Variants in GALNTL6 observed in about 807,000 individuals in gnomAD.
The protein encoded by GALNTL6 is polypeptide N-acetylgalactosaminyltransferase-like 6.
GALNTL6 carries 46 observed loss-of-function variants against 73.7 expected under a neutral mutation model. That is an observed-to-expected ratio of 0.62 (90% confidence interval 0.49 to 0.80). The LOEUF is 0.80. GALNTL6 is among the 30% of genes least tolerant of loss of function. The pLI, the probability that GALNTL6 is intolerant of heterozygous loss-of-function variation, is 0.00. For synonymous variants in GALNTL6, 259 were observed against 263.7 expected (o/e 0.98, Z 0.17); for missense variants, 604 against 755.0 (o/e 0.80, Z 2.34).
chr4:172,247,212 A>G (rs914684142), intron 3 of GALNTL6, among the ~76,000 whole-genome samples: 4 of 152,144 alleles, frequency 2.6e-5, no homozygotes, highest in Non-Finnish European at 4.4e-5. Flanking sequence ...TGGCTGCTGC[A>G]CTGACAATTG....
chr4:172,749,966 C>T (rs952839851), intron 5 of GALNTL6, among the ~76,000 whole-genome samples: 10 of 152,044 alleles, frequency 6.6e-5, no homozygotes, highest in East Asian at 1.9e-4. Context: ...TCAGAAGAAA[C>T]GCTTCTAGTT....
intron 4 of GALNTL6, among the ~76,000 whole-genome samples, chr4:172,333,356 G>T (rs1246437016): frequency 2.0e-5 from 3 of 152,128 alleles, no homozygotes; most frequent in African/African-American, 7.2e-5. Flanking sequence ...AGTGAGCCGA[G>T]ATCGTGCAAT....
chr4:171,969,649 C>T (rs1334297599), intron 2 of GALNTL6, among the ~76,000 whole-genome samples: 1 of 152,224 alleles, frequency 6.6e-6, no homozygotes, highest in Admixed American at 6.5e-5. Flanking sequence ...TCAAGAAATG[C>T]CCTTAAAAAC....
intron 2 of GALNTL6, among the ~76,000 whole-genome samples, chr4:172,013,081 C>G (rs1056579328): frequency 6.6e-6 from 1 of 152,018 alleles, no homozygotes; most frequent in Non-Finnish European, 1.5e-5. Context: ...TTATGGGATG[C>G]TGAGTGATAT....
At chr4:172,023,728 AT>A in intron 2 of GALNTL6, among the ~76,000 whole-genome samples, 1 of 152,008 alleles carries the variant, frequency 6.6e-6, no homozygotes, top group East Asian at 1.9e-4. Context: ...ACAAAAATAT[AT>A]TTTTAAATAT....
intron 2 of GALNTL6, among the ~76,000 whole-genome samples, chr4:172,197,857 C>T (rs1735822031): frequency 6.6e-6 from 1 of 152,144 alleles, no homozygotes; most frequent in Admixed American, 6.5e-5. Context: ...CACCTGTAAT[C>T]CCAGCACTTT....
intron 5 of GALNTL6, among the ~76,000 whole-genome samples, chr4:172,469,683 T>C (rs1732972455): frequency 6.6e-6 from 1 of 152,206 alleles, no homozygotes; most frequent in Non-Finnish European, 1.5e-5. Context: ...TGTGCTCTTA[T>C]TTAATATTAT....
At chr4:172,837,751 T>G (rs1742989568) in intron 7 of GALNTL6, among the ~76,000 whole-genome samples, 2 of 152,298 alleles carry the variant, frequency 1.3e-5, no homozygotes, top group South Asian at 4.1e-4. Flanking sequence ...AGAAAATCAC[T>G]GGATTAATGA....
intron 5 of GALNTL6, among the ~76,000 whole-genome samples, chr4:172,801,052 A>G (rs1740612478): frequency 6.6e-6 from 1 of 152,188 alleles, no homozygotes; most frequent in Admixed American, 6.5e-5. Context: ...TAATTGAAAC[A>G]TCAGACAAAA....
rs560517243 is a variant in GALNTL6, at chr4:172,638,992, G to A, written c.554-170369G>A. Among the ~76,000 whole-genome samples the A allele has an allele frequency of 3.6e-4, 55 of 152,106 alleles. 1 individual carries two copies. Among genetic ancestry groups the A allele is most frequent in the Non-Finnish European group, 5.0e-4 (34 of 67,976 alleles). On this transcript the variant is annotated intron_variant, in intron 5 of 12. Coordinates refer to ENST00000506823, the MANE Select transcript of GALNTL6 (RefSeq NM_001034845.3). ...CAAAATAATACCACAGAAGTGGCGC[G>A]CCCTTCTCAATGCATCATATGAGGT...
intron 3 of GALNTL6, among the ~76,000 whole-genome samples, chr4:172,267,196 A>C (rs1388346280): frequency 6.6e-6 from 1 of 152,134 alleles, no homozygotes; most frequent in Non-Finnish European, 1.5e-5. Context: ...GTTTAATATG[A>C]TTGATGGTTA....
At chr4:172,310,834 A>C (rs1342279598) in intron 3 of GALNTL6, among the ~76,000 whole-genome samples, 1 of 151,994 alleles carries the variant, frequency 6.6e-6, no homozygotes, top group Non-Finnish European at 1.5e-5. Flanking sequence ...TGGATGGAAA[A>C]ATTAATCTGA....
chr4:172,416,468 C>G (rs1208676459), intron 5 of GALNTL6, among the ~76,000 whole-genome samples: 1 of 152,120 alleles, frequency 6.6e-6, no homozygotes, highest in African/African-American at 2.4e-5. Flanking sequence ...ATGACCATTA[C>G]TGTACTCAAT....
At chr4:172,248,406 T>C (rs1737731873) in intron 3 of GALNTL6, among the ~76,000 whole-genome samples, 1 of 152,122 alleles carries the variant, frequency 6.6e-6, no homozygotes, top group African/African-American at 2.4e-5. Context: ...CTGTTCTCCC[T>C]TTTCCTAATG....
chr4:172,746,739 T>A (rs1037913045), intron 5 of GALNTL6, among the ~76,000 whole-genome samples: 6 of 152,094 alleles, frequency 3.9e-5, no homozygotes, highest in Admixed American at 6.6e-5. Context: ...ACAGCTAACA[T>A]CATACTTAAT....
chr4:172,801,789 G>A (rs1419826416), intron 5 of GALNTL6, among the ~76,000 whole-genome samples: 1 of 152,036 alleles, frequency 6.6e-6, no homozygotes, highest in East Asian at 1.9e-4. Flanking sequence ...TGAACAACAG[G>A]GGTTTGAACT....
chr4:172,964,441 G>A (rs1182072933), intron 10 of GALNTL6, among the ~76,000 whole-genome samples: 1 of 152,068 alleles, frequency 6.6e-6, no homozygotes, highest in African/African-American at 2.4e-5. Context: ...GCCAATCTGG[G>A]TACATCCATT....
chr4:172,317,908 CTAAAA>C (rs943890664), intron 4 of GALNTL6, among the ~76,000 whole-genome samples: 7 of 152,218 alleles, frequency 4.6e-5, no homozygotes, highest in African/African-American at 1.4e-4. Flanking sequence ...GCAAAATAAA[CTAAAA>C]TGACTGTTCA....
chr4:172,939,622 G>A (rs1748815291), intron 9 of GALNTL6, among the ~76,000 whole-genome samples: 1 of 152,190 alleles, frequency 6.6e-6, no homozygotes, highest in Non-Finnish European at 1.5e-5. Flanking sequence ...TAAGCAAATA[G>A]CATTGGGCCT....
Sources: allele counts gnomAD v4.1 joint callset (sites outside exome capture counted in the v4.1 genomes callset), GRCh38; gene constraint gnomAD v4.1.1; transcripts MANE v1.5; gene names NCBI Gene and HGNC (gene_info 2026-07-23, HGNC 2026-07-21).